The following UNC13C variants were observed in gnomAD, a reference collection of about 807,000 sequenced individuals.
UNC13C encodes unc-13 homolog C.
A neutral mutation model predicts 245.4 loss-of-function variants in UNC13C; 174 were observed. The observed-to-expected ratio is 0.71, with a 90% CI of 0.63 to 0.80. The LOEUF (loss-of-function observed/expected upper bound fraction) is 0.80, where lower values mean the gene tolerates loss of function less well. UNC13C is among the 30% of genes least tolerant of loss of function. The pLI is 0.00. For missense variants in UNC13C, 2,829 were observed against 2,602.9 expected (o/e 1.09, Z -1.89); for synonymous variants, 992 against 895.1 (o/e 1.11, Z -1.93).
At chr15:54,485,823 C>G (rs1407202061) in intron 19 of UNC13C, among the ~76,000 whole-genome samples, 1 of 152,114 alleles carries the variant, frequency 6.6e-6, no homozygotes, top group African/African-American at 2.4e-5. Flanking sequence ...TATTCTCCAC[C>G]AGGAATGCTC....
chr15:54,371,203 C>T (rs952312083), intron 17 of UNC13C, among the ~76,000 whole-genome samples: 1 of 152,148 alleles, frequency 6.6e-6, no homozygotes, highest in Non-Finnish European at 1.5e-5. Flanking sequence ...ACCATTCCAG[C>T]CCCTGGTAAC....
intron 19 of UNC13C, among the ~76,000 whole-genome samples, chr15:54,454,588 A>G (rs536924770): frequency 1.6e-4 from 25 of 151,548 alleles, no homozygotes; most frequent in African/African-American, 5.6e-4. Context: ...AAAAACAACA[A>G]TAACTCCCCA....
In UNC13C at chr15:54,061,006, T is replaced by A. The variant is rs544221846; in HGVS notation, c.2983+45120T>A. Among the ~76,000 whole-genome samples the A allele has an allele frequency of 1.5e-3, 234 of 152,112 alleles. 1 individual carries two copies. The highest frequency in any genetic ancestry group is 6.8e-3 in the Middle Eastern group (2 of 294). On this transcript the variant is annotated intron_variant, in intron 2 of 32. Transcript: ENST00000260323. ...AGGGGAGGGAGAGCATTAGGAGATA[T>A]ACCTAATGCTAAATGACGAGTTAAT...
chr15:54,226,172 G>A (rs530670017), intron 4 of UNC13C, among the ~76,000 whole-genome samples: 1 of 152,112 alleles, frequency 6.6e-6, no homozygotes, highest in African/African-American at 2.4e-5. Context: ...ATTGTCATGG[G>A]TAAGCTTTTT....
chr15:54,087,645 C>T (rs1899317350), intron 2 of UNC13C, among the ~76,000 whole-genome samples: 1 of 152,172 alleles, frequency 6.6e-6, no homozygotes, highest in South Asian at 2.1e-4. Flanking sequence ...TCTCCTATGC[C>T]AAAACTACTC....
intron 4 of UNC13C, among the ~76,000 whole-genome samples, chr15:54,215,274 T>C (rs2035006218): frequency 6.6e-6 from 1 of 151,970 alleles, no homozygotes. Flanking sequence ...TAGGCTTTTT[T>C]ACTTCCTCAA....
rs750678099 is a variant in UNC13C, at chr15:54,627,155, C to T, written c.*42C>T. On this transcript the variant is annotated 3_prime_UTR_variant, in exon 33 of 33. Coordinates refer to ENST00000260323, the MANE Select transcript of UNC13C (RefSeq NM_001080534.3). ...TAAATACATAACTATAATTGTTTGA[C>T]TACTGCATGCATGTGCAAATACATG... 8 of 1,548,664 alleles carry T rather than the reference C, an allele frequency of 5.2e-6. No individual in the cohort carries two copies. Among genetic ancestry groups the T allele is most frequent in the Non-Finnish European group, 7.0e-6 (8 of 1,144,008 alleles).
intron 2 of UNC13C, among the ~76,000 whole-genome samples, chr15:54,055,344 T>A (rs1363910027): frequency 1.3e-5 from 2 of 152,194 alleles, no homozygotes; most frequent in Non-Finnish European, 2.9e-5. Context: ...TTTCTGTCAT[T>A]TCTCTAGTAA....
upstream of UNC13C, among the ~76,000 whole-genome samples, chr15:53,973,950 T>C (rs28652590): frequency 0.031 from 4,748 of 152,280 alleles, 275 homozygotes; most frequent in African/African-American, 0.11. Flanking sequence ...AGTAAATACT[T>C]GTCTGCTTTA....
At chr15:54,095,700 G>T (rs1337315113) in intron 2 of UNC13C, among the ~76,000 whole-genome samples, 2 of 152,148 alleles carry the variant, frequency 1.3e-5, no homozygotes, top group African/African-American at 2.4e-5. Context: ...CTAGCTTAGA[G>T]TACTCGGACG....
At chr15:54,305,207 A>G (rs923480012) in intron 13 of UNC13C, among the ~76,000 whole-genome samples, 6 of 152,108 alleles carry the variant, frequency 3.9e-5, no homozygotes, top group Non-Finnish European at 7.4e-5. Context: ...ACCTTCTCCT[A>G]GTGTGTTTCT....
chr15:54,020,566 A>AACC (rs1895858610), intron 2 of UNC13C, among the ~76,000 whole-genome samples: 1 of 151,564 alleles, frequency 6.6e-6, no homozygotes, highest in Non-Finnish European at 1.5e-5. Flanking sequence ...TACAGGCGTG[A>AACC]ACCACCACAC....
intron 19 of UNC13C, among the ~76,000 whole-genome samples, chr15:54,428,209 CA>C (rs982647413): frequency 6.6e-6 from 1 of 151,700 alleles, no homozygotes; most frequent in African/African-American, 2.4e-5. Context: ...TTTGATCTGA[CA>C]AAAATCAAAT....
chr15:54,007,340 G>C (rs923106371), intron 1 of UNC13C, among the ~76,000 whole-genome samples: 1 of 152,152 alleles, frequency 6.6e-6, no homozygotes. Context: ...TGATTCAATA[G>C]CAAAGACATG....
intron 2 of UNC13C, among the ~76,000 whole-genome samples, chr15:54,052,910 G>A (rs1301670772): frequency 6.6e-6 from 1 of 152,166 alleles, no homozygotes; most frequent in Non-Finnish European, 1.5e-5. Context: ...AAAAGTATTA[G>A]GTTGGTTGTA....
At chr15:54,270,776 A>G (rs2036665991) in intron 10 of UNC13C, among the ~76,000 whole-genome samples, 1 of 152,100 alleles carries the variant, frequency 6.6e-6, no homozygotes, top group South Asian at 2.1e-4. Flanking sequence ...AGAAAATCAA[A>G]GCTCAGATGG....
chr15:54,551,918 C>T (rs976917069), intron 28 of UNC13C, among the ~76,000 whole-genome samples: 1 of 151,608 alleles, frequency 6.6e-6, no homozygotes, highest in African/African-American at 2.4e-5. Context: ...ATTAGAATGT[C>T]ACTCCCATTT....
chr15:54,618,236 G>A (rs1219580861), intron 30 of UNC13C, among the ~76,000 whole-genome samples: 1 of 152,096 alleles, frequency 6.6e-6, no homozygotes, highest in African/African-American at 2.4e-5. Context: ...AAATAAAGCA[G>A]ACAATGAGCT....
chr15:54,241,300 A>C (rs74013522), intron 7 of UNC13C, among the ~76,000 whole-genome samples: 16,178 of 152,112 alleles, frequency 0.11, 2,765 homozygotes, highest in African/African-American at 0.36. Context: ...AAGGGACTGA[A>C]AAGAACTAGA....
Sources: allele counts gnomAD v4.1 joint callset (sites outside exome capture counted in the v4.1 genomes callset), GRCh38; gene constraint gnomAD v4.1.1; transcripts MANE v1.5; gene names NCBI Gene and HGNC (gene_info 2026-07-23, HGNC 2026-07-21).